Variants in RND3 observed in about 807,000 individuals in gnomAD.
RND3 encodes the protein Rho family GTPase 3.
A neutral mutation model predicts 26.5 loss-of-function variants in RND3; 8 were observed. That is an observed-to-expected ratio of 0.30 (90% CI 0.18 to 0.54). The LOEUF (loss-of-function observed/expected upper bound fraction) is 0.54. Ranked by LOEUF, RND3 falls within the 20% of genes least tolerant of loss-of-function variation. RND3 has a pLI of 0.94. For missense variants in RND3, 207 were observed against 302.8 expected, an observed-to-expected ratio of 0.68 and a Z score of 2.35; for synonymous variants, 113 against 113.0, an observed-to-expected ratio of 1.00 and a Z score of 0.00.
chr2:150,483,023 CG>C (rs1225885493), intron 3 of RND3, among the ~76,000 whole-genome samples: 2 of 151,038 alleles, frequency 1.3e-5, no homozygotes, highest in Non-Finnish European at 2.9e-5. Flanking sequence ...ATAGTGGATG[CG>C]GGAAAAAAGG....
chr2:150,486,560 C>T lies in RND3; in HGVS notation c.238+134G>A, dbSNP rs1442191307. The stretch of plus-strand genomic sequence containing the variant: ...CCCCACCCAGAAGGGATACAATTTT[C>T]GCCCAACAGGGACCGTGGGAATCCC... On this transcript the variant is annotated intron_variant, in intron 3 of 5. Coordinates refer to ENST00000263895, the MANE Select transcript of RND3 (RefSeq NM_005168.5). The surrounding 1 kb of genome is among the most constrained non-coding windows in gnomAD (Gnocchi z 4.5). 2.0e-5 allele frequency: 15 copies of T among 744,266 alleles called. No homozygotes were observed. The highest frequency in any genetic ancestry group is 2.9e-5 in the Non-Finnish European group (12 of 408,558). The allele number at this position is 744,266 out of a possible 1,614,324, so 46.1% of individuals were successfully genotyped here.
At chr2:150,487,237 C>A in intron 2 of RND3, 31 bp downstream of exon 2, 2 of 1,553,556 alleles carry the variant, frequency 1.3e-6, no homozygotes, top group African/African-American at 1.4e-5. Flanking sequence ...TGGCCGACCC[C>A]CTCGTGGAAG....
At position 150,468,967 on chromosome 2, in the gene RND3, T is replaced by C. The variant is rs1686037166; in HGVS notation, c.*1020A>G. 6.6e-6 allele frequency: 1 copy of C among 152,648 alleles called. No individual in the cohort carries two copies. The highest frequency in any genetic ancestry group is 2.4e-5 in the African/African-American group (1 of 41,468). 9.5% of individuals were successfully genotyped at this position (152,648 alleles called of 1,614,324 possible). ...ACAGATTATCAGATGCTGTCAGTTTTGGAGCTTCAACCCAAAATAATAGTC... is the reference window on the plus strand; with the variant it reads ...ACAGATTATCAGATGCTGTCAGTTTCGGAGCTTCAACCCAAAATAATAGTC... On this transcript the variant is annotated 3_prime_UTR_variant, in exon 6 of 6. Coordinates refer to ENST00000263895, the MANE Select transcript of RND3 (RefSeq NM_005168.5).
chr2:150,480,324 C>G (rs1363413490), intron 3 of RND3, among the ~76,000 whole-genome samples: 1 of 152,168 alleles, frequency 6.6e-6, no homozygotes, highest in Admixed American at 6.5e-5. Context: ...GGTCAAACTT[C>G]TGCGTCAACT....
intron 5 of RND3, among the ~76,000 whole-genome samples, chr2:150,471,193 G>A (rs816890): frequency 0.59 from 90,344 of 152,054 alleles, 28,022 homozygotes; most frequent in South Asian, 0.76. Context: ...TAGGTTTTAT[G>A]AGAATGAGCT....
In RND3 at chr2:150,471,711, G is replaced by A. The variant is rs759440612; in HGVS notation, c.399C>T (p.Val133=). The A allele has an allele frequency of 4.7e-5, 76 of 1,612,530 alleles. No homozygotes were observed. The highest frequency in any genetic ancestry group is 8.4e-5 in the Admixed American group (5 of 59,872). ...EFCPNTKMLL[V]GCKSDLRTDV... ...CTGTCCGCAGATCAGACTTGCAGCC[G>A]ACCAAGAGCATTTTGGTATTTGGAC... Residue 133 remains valine, a synonymous_variant, in exon 5 of 6, where the codon GTC becomes GTT. Transcript: ENST00000263895.
intron 3 of RND3, among the ~76,000 whole-genome samples, chr2:150,485,911 T>C (rs879774444): frequency 6.6e-6 from 1 of 151,348 alleles, no homozygotes; most frequent in Non-Finnish European, 1.5e-5. Flanking sequence ...ATAATTCAAG[T>C]AGACTGGAAG....
intron 4 of RND3, 168 bp from the exon 5 acceptor site, chr2:150,471,929 T>C (rs1208961773): frequency 1.7e-6 from 1 of 592,960 alleles, no homozygotes; most frequent in Non-Finnish European, 3.0e-6. Flanking sequence ...CCTGAACAGA[T>C]GTGAAGTTTT....
Position 150,471,621 on chromosome 2 carries a change from A to G in RND3, c.483+6T>C. 6.2e-7 allele frequency: 1 copy of G among 1,604,612 alleles called. No homozygotes were observed. On this transcript the variant is annotated splice_donor_region_variant and intron_variant, in intron 5 of 5. Transcript: ENST00000263895. ...ATCCAGTTTTGCACATGGGCAACAT[A>G]CATACCTGGTCATAGGACACTGGCG... is the stretch of plus-strand genomic sequence containing the variant.
rs768101389 is a variant in RND3, at chr2:150,470,118, T to G, written c.604A>C (p.Asn202His). The G allele has an allele frequency of 4.3e-5, 70 of 1,613,958 alleles. No homozygotes were observed. The highest frequency in any genetic ancestry group is 5.4e-5 in the Non-Finnish European group (64 of 1,179,972). The part of the protein sequence containing the change: ...VATLACVNKT[N>H]KNVKRNKSQR... ...GATTTGTTCCGCTTAACGTTTTTAT[T>G]TGTCTTATTTACACATGCCAAGGTG... is the stretch of plus-strand genomic sequence containing the variant. Residue 202 changes from asparagine to histidine, a missense_variant, in exon 6 of 6, where the codon AAT (asparagine) becomes CAT (histidine). By Grantham distance (68) the Asn-to-His change is moderately conservative (BLOSUM62 1). Transcript: ENST00000263895.
chr2:150,486,637 GC>G lies in RND3; in HGVS notation c.238+56del. 8.2e-6 allele frequency: 10 copies of G among 1,225,288 alleles called. No individual in the cohort carries two copies. Among genetic ancestry groups the G allele is most frequent in the Middle Eastern group, 1.9e-4 (1 of 5,298 alleles). 75.9% of individuals were successfully genotyped at this position (1,225,288 alleles called of 1,614,324 possible). On this transcript the variant is annotated intron_variant, in intron 3 of 5. Coordinates refer to ENST00000263895, the MANE Select transcript of RND3 (RefSeq NM_005168.5). This position sits in a 1 kb window ranked among gnomAD's most constrained non-coding sequence, Gnocchi z 4.5. ...CGCGCGGTTTCCCGAGACCCGCCGC[GC>G]ATCCCCCAGCGACTGGAAACCCGCC...
At chr2:150,478,895 T>C (rs1014452402) in intron 3 of RND3, among the ~76,000 whole-genome samples, 1 of 152,184 alleles carries the variant, frequency 6.6e-6, no homozygotes, top group East Asian at 1.9e-4. Flanking sequence ...AGCATTTCTC[T>C]GGTACTATAT....
intron 3 of RND3, 128 bp from the exon 4 acceptor site, chr2:150,475,112 C>T: frequency 8.3e-6 from 5 of 601,004 alleles, no homozygotes; most frequent in Non-Finnish European, 1.5e-5. Flanking sequence ...TCCCCTAATT[C>T]TTGGAAAAGA....
Position 150,487,474 on chromosome 2 carries a change from A to AAAAAAAATATAT in RND3, c.-38-20_-38-19insATATATTTTTTT. ...ATTTTCTCTTAAGAAGAAAAAAAAA[A>AAAAAAAATATAT]ATATATATATATATATATATTTCTC... On this transcript the variant is annotated intron_variant, in intron 1 of 5. Coordinates refer to ENST00000263895, the MANE Select transcript of RND3 (RefSeq NM_005168.5). 22 of 200,802 alleles carry AAAAAAAATATAT rather than the reference A, an allele frequency of 1.1e-4. No homozygotes were observed. The highest frequency in any genetic ancestry group is 3.8e-4 in the African/African-American group (14 of 36,652). The allele number at this position is 200,802 out of a possible 1,614,324, so 12.4% of individuals were successfully genotyped here.
chr2:150,470,140 G>A lies in RND3; in HGVS notation c.582C>T (p.Thr194=), dbSNP rs766700982. Reference sequence around the variant, plus strand: ...TATTTGTCTTATTTACACATGCCAAGGTGGCAACGTGAAAAATGTCTCTGA... The same window carrying A: ...TATTTGTCTTATTTACACATGCCAAAGTGGCAACGTGAAAAATGTCTCTGA... ...NSVRDIFHVA[T]LACVNKTNKN... The change falls in exon 6 of 6, where the codon ACC becomes ACT. Residue 194 remains threonine (T), a synonymous_variant. Transcript: ENST00000263895. 1.2e-6 allele frequency: 2 copies of A among 1,613,986 alleles called. No homozygotes were observed.
intron 5 of RND3, 142 bp downstream of exon 5, chr2:150,471,485 A>C: frequency 1.6e-6 from 1 of 641,284 alleles, no homozygotes; most frequent in South Asian, 2.4e-5. Flanking sequence ...ACACTAATAA[A>C]TGACAGCATT....
At chr2:150,484,712 C>T (rs1356592605) in intron 3 of RND3, among the ~76,000 whole-genome samples, 1 of 152,180 alleles carries the variant, frequency 6.6e-6, no homozygotes, top group Non-Finnish European at 1.5e-5. Flanking sequence ...AGATCCTGCA[C>T]ATCATCTAGC....
chr2:150,475,056 T>C, intron 3 of RND3, 72 bp from the exon 4 acceptor site: 1 of 899,060 alleles, frequency 1.1e-6, no homozygotes, highest in Non-Finnish European at 1.8e-6. Flanking sequence ...ACTCTACCCT[T>C]TCCGGCTAAG....
intron 3 of RND3, among the ~76,000 whole-genome samples, chr2:150,476,465 G>A (rs542319132): frequency 3.9e-5 from 6 of 152,298 alleles, no homozygotes; most frequent in East Asian, 1.9e-4. Context: ...GCTCCTTTAC[G>A]ATGGAGAGTG....
Sources: allele counts gnomAD v4.1 joint callset (sites outside exome capture counted in the v4.1 genomes callset), GRCh38; gene constraint gnomAD v4.1.1; non-coding constraint Gnocchi (gnomAD v3.1); transcripts MANE v1.5; gene names NCBI Gene and HGNC (gene_info 2026-07-23, HGNC 2026-07-21).